Variants in STT3A observed in about 807,000 individuals in gnomAD.
STT3A encodes STT3 oligosaccharyltransferase complex catalytic subunit A.
A neutral mutation model predicts 89.2 loss-of-function variants in STT3A; 34 were observed. The observed-to-expected ratio is 0.38, with a 90% CI of 0.29 to 0.51. The LOEUF (loss-of-function observed/expected upper bound fraction) is 0.51. Among genes scored for constraint, STT3A ranks in the 20% least tolerant of loss-of-function variants. STT3A has a pLI of 0.89. For missense variants in STT3A, 555 were observed against 889.5 expected (o/e 0.62, Z 4.78); for synonymous variants, 282 against 310.3 (o/e 0.91, Z 0.96).
At chr11:125,611,863 ATTTTTTTTTTTTTTTTTTT>A (rs59685125) in intron 11 of STT3A, among the ~76,000 whole-genome samples, 1 of 56,932 alleles carries the variant, frequency 1.8e-5, no homozygotes, top group African/African-American at 6.7e-5. Flanking sequence ...AGGGATTTGA[ATTTTTTTTTTTTTTTTTTT>A]TTTTTTTTTT....
chr11:125,604,969 G>A (rs376552234), intron 6 of STT3A, among the ~76,000 whole-genome samples: 1 of 152,302 alleles, frequency 6.6e-6, no homozygotes, highest in African/African-American at 2.4e-5. Context: ...GGGCATGGTA[G>A]TGTGCGCCTA....
chr11:125,617,637 G>A (rs1940216249), intron 15 of STT3A, among the ~76,000 whole-genome samples: 2 of 152,212 alleles, frequency 1.3e-5, no homozygotes. Context: ...AAGCATGGGA[G>A]TGTGTTTGAC....
intron 3 of STT3A, among the ~76,000 whole-genome samples, chr11:125,597,593 C>T (rs1565341736): frequency 6.6e-6 from 1 of 152,146 alleles, no homozygotes; most frequent in African/African-American, 2.4e-5. Flanking sequence ...AGGAAAGGGT[C>T]CTGGTGTGTA....
intron 10 of STT3A, chr11:125,610,567 A>G (rs1188051977): frequency 2.0e-5 from 3 of 151,932 alleles, no homozygotes; most frequent in Admixed American, 1.3e-4. Flanking sequence ...AAAAACAACA[A>G]CAGGCCTGGA....
Position 125,612,970 on chromosome 11 carries a change from A to G in STT3A, c.1366-19A>G, listed in dbSNP as rs778076373. On this transcript the variant is annotated intron_variant, in intron 12 of 17. Coordinates refer to ENST00000392708, the MANE Select transcript of STT3A (RefSeq NM_152713.5). The stretch of plus-strand genomic sequence containing the variant: ...TTTAGTTTGGTTAACTACACAATTA[A>G]TTCTTTTTCCTTGTTTAGGTGGCAA... 6.2e-7 allele frequency: 1 copy of G among 1,612,592 alleles called. No individual in the cohort carries two copies. Among genetic ancestry groups the G allele is most frequent in the Non-Finnish European group, 8.5e-7 (1 of 1,178,870 alleles).
intron 12 of STT3A, 63 bp downstream of exon 12, chr11:125,612,810 T>G (rs754946084): frequency 1.9e-6 from 3 of 1,583,536 alleles, no homozygotes; most frequent in Non-Finnish European, 1.7e-6. Flanking sequence ...TGTGTGTATG[T>G]GGGCAGCGGG....
intron 8 of STT3A, among the ~76,000 whole-genome samples, chr11:125,606,975 C>T (rs1939859320): frequency 6.6e-6 from 1 of 152,302 alleles, no homozygotes; most frequent in South Asian, 2.1e-4. Context: ...TAGAGGTCAA[C>T]AAGTATTTCT....
At chr11:125,618,253 A>T in intron 15 of STT3A, 120 bp from the exon 16 acceptor site, 2 of 900,980 alleles carry the variant, frequency 2.2e-6, no homozygotes, top group African/African-American at 1.7e-5. Flanking sequence ...TTTACAAATT[A>T]GAGTTAAATG....
chr11:125,606,183 ATAAAGT>A, intron 7 of STT3A, 112 bp from the exon 8 acceptor site: 3 of 1,016,202 alleles, frequency 3.0e-6, no homozygotes, highest in Non-Finnish European at 4.3e-6. Context: ...TTTGGCATAA[ATAAAGT>A]TATAGTTACT....
intron 2 of STT3A, 71 bp from the exon 3 acceptor site, chr11:125,596,988 A>G: frequency 1.3e-6 from 2 of 1,520,330 alleles, no homozygotes; most frequent in Non-Finnish European, 9.1e-7. Context: ...TACTGTCTTC[A>G]TTATAATACT....
intron 16 of STT3A, 28 bp downstream of exon 16, chr11:125,618,589 CAGT>C: frequency 1.3e-6 from 2 of 1,583,614 alleles, no homozygotes; most frequent in Non-Finnish European, 1.7e-6. Flanking sequence ...ATATTAATAA[CAGT>C]AGTAATAATA....
chr11:125,605,992 C>T lies in STT3A; in HGVS notation c.615+257C>T, dbSNP rs181715125. ...TTAATTCTGAGGCTTGAGTCCCTCT[C>T]GTTATGTGATCATGACATCAGCAAC... is the stretch of plus-strand genomic sequence containing the variant. On this transcript the variant is annotated intron_variant, in intron 7 of 17. Coordinates refer to ENST00000392708, the MANE Select transcript of STT3A (RefSeq NM_152713.5). Among the ~76,000 whole-genome samples the T allele has an allele frequency of 1.9e-4, 29 of 152,230 alleles. 1 individual carries two copies. Among genetic ancestry groups the T allele is most frequent in the African/African-American group, 6.5e-4 (27 of 41,544 alleles).
chr11:125,612,177 C>G (rs577811239), intron 11 of STT3A, among the ~76,000 whole-genome samples: 66 of 152,104 alleles, frequency 4.3e-4, no homozygotes, highest in Non-Finnish European at 7.8e-4. Flanking sequence ...AGAATACACA[C>G]ATTCTCTTAT....
intron 8 of STT3A, 79 bp downstream of exon 8, chr11:125,606,544 T>C: frequency 6.9e-7 from 1 of 1,459,322 alleles, no homozygotes; most frequent in Non-Finnish European, 9.2e-7. Flanking sequence ...TCTTAGATTC[T>C]GTTAAGAAGA....
At position 125,613,205 on chromosome 11, in the gene STT3A, T is replaced by G. The variant is rs1185786462; in HGVS notation, c.1554+28T>G. 4 of 1,609,848 alleles carry G rather than the reference T, an allele frequency of 2.5e-6. No homozygotes were observed. In the African/African-American group the frequency reaches 4.0e-5, roughly 16 times the overall value. ...GAAGATTTGGGAGGGGTGGGAATTG[T>G]GGGTTAGGGGCAAAGGGGAAGACAT... On this transcript the variant is annotated intron_variant, in intron 13 of 17. Transcript: ENST00000392708. This position sits in a 1 kb window ranked among gnomAD's most constrained non-coding sequence, Gnocchi z 4.2.
chr11:125,619,955 C>A, intron 16 of STT3A, 56 bp from the exon 17 acceptor site: 1 of 1,425,562 alleles, frequency 7.0e-7, no homozygotes, highest in Non-Finnish European at 9.8e-7. Context: ...CATATACTGT[C>A]TCTCTAGGAA....
rs751016260 is a variant in STT3A, at chr11:125,618,510, C to T, written c.1912C>T (p.Leu638Phe). The T allele has an allele frequency of 1.2e-6, 2 of 1,614,020 alleles. No homozygotes were observed. Among genetic ancestry groups the T allele is most frequent in the South Asian group, 1.1e-5 (1 of 91,080 alleles). Reference sequence around the variant, plus strand: ...AGGTTCTCCAGTGCTGCTCAACTGCCTCATGTACAAGATGTGTTACTATCG... The same window carrying T: ...AGGTTCTCCAGTGCTGCTCAACTGCTTCATGTACAAGATGTGTTACTATCG... ...REGSPVLLNCLMYKMCYYRFG... is the reference protein window; with the variant it reads ...REGSPVLLNCFMYKMCYYRFG... Residue 638 changes from leucine to phenylalanine, a missense_variant, in exon 16 of 18, where the codon CTC becomes TTC. This residue lies in a region of STT3A where 273 missense variants were observed against 449.8 expected (regional missense o/e 0.61). Transcript: ENST00000392708.
At chr11:125,593,525 C>T (rs1268567652) in intron 1 of STT3A, 1 of 152,152 alleles carries the variant, frequency 6.6e-6, no homozygotes, top group Non-Finnish European at 1.5e-5. Context: ...CCTTACGGCC[C>T]TGCCCTCAAT....
At chr11:125,619,544 G>A (rs1255534858) in intron 16 of STT3A, among the ~76,000 whole-genome samples, 1 of 152,188 alleles carries the variant, frequency 6.6e-6, no homozygotes, top group Admixed American at 6.5e-5. Flanking sequence ...GGGAAAGAAA[G>A]TGACTTTTCG....
Sources: gnomAD v4.1 joint callset for allele counts (sites outside exome capture counted in the v4.1 genomes callset) on GRCh38, gnomAD v4.1.1 for gene constraint, gnomAD v4.1.1 regional missense constraint, Gnocchi (gnomAD v3.1) non-coding constraint, MANE v1.5 for transcripts, NCBI Gene and HGNC (gene_info 2026-07-23, HGNC 2026-07-21) for gene names.